PEBP4: variants seen among roughly 807,000 people sequenced by gnomAD.
The protein encoded by PEBP4 is phosphatidylethanolamine binding protein 4, also known as phosphatidylethanolamine-binding protein 4.
A neutral mutation model predicts 23.9 loss-of-function variants in PEBP4; 22 were observed. The ratio of observed to expected loss-of-function variants is 0.92; its 90% CI spans 0.66 to 1.31. PEBP4 has a LOEUF of 1.31. Ranked by LOEUF, PEBP4 falls within the 40% of genes most tolerant of loss-of-function variation. The pLI, the probability that PEBP4 is intolerant of heterozygous loss-of-function variation, is 0.00. For missense variants in PEBP4, 324 were observed against 281.7 expected (o/e 1.15, Z -1.07); for synonymous variants, 112 against 99.3 (o/e 1.13, Z -0.76).
intron 4 of PEBP4, 63 bp from the exon 5 acceptor site, chr8:22,727,283 T>C (rs2128748898): frequency 6.6e-7 from 1 of 1,521,692 alleles, no homozygotes; most frequent in South Asian, 1.2e-5. Context: ...CCACGTGGGC[T>C]CTGCGGGATT....
At chr8:22,731,761 C>A (rs911193896) in intron 4 of PEBP4, among the ~76,000 whole-genome samples, 1 of 151,850 alleles carries the variant, frequency 6.6e-6, no homozygotes, top group East Asian at 1.9e-4. Context: ...CGGGTTCATG[C>A]CATTCTCCTG....
chr8:22,732,012 T>C (rs187421917), intron 4 of PEBP4, among the ~76,000 whole-genome samples: 86 of 152,170 alleles, frequency 5.7e-4, no homozygotes, highest in South Asian at 1.0e-3. Context: ...ACAGTAATTA[T>C]AGAAATTACA....
intron 4 of PEBP4, among the ~76,000 whole-genome samples, chr8:22,774,115 C>T (rs1338923451): frequency 6.6e-6 from 1 of 152,228 alleles, no homozygotes; most frequent in Non-Finnish European, 1.5e-5. Context: ...GGAAAGTGCT[C>T]TGTCGATCAC....
chr8:22,927,171 G>A (rs1009019111), intron 2 of PEBP4, among the ~76,000 whole-genome samples: 1 of 152,196 alleles, frequency 6.6e-6, no homozygotes, highest in South Asian at 2.1e-4. Flanking sequence ...CACAGGAAGG[G>A]TCTAATCATA....
At chr8:22,817,203 A>G (rs1391506550) in intron 4 of PEBP4, among the ~76,000 whole-genome samples, 1 of 152,144 alleles carries the variant, frequency 6.6e-6, no homozygotes, top group East Asian at 1.9e-4. Context: ...GAGCTCCAGG[A>G]CTTCTCCTGG....
intron 4 of PEBP4, among the ~76,000 whole-genome samples, chr8:22,739,766 C>T (rs149142441): frequency 3.9e-5 from 6 of 152,308 alleles, no homozygotes; most frequent in African/African-American, 9.6e-5. Flanking sequence ...GGCCCCTCAG[C>T]CCCTGACCCT....
chr8:22,848,485 G>C (rs1296406835), intron 3 of PEBP4, among the ~76,000 whole-genome samples: 4 of 151,980 alleles, frequency 2.6e-5, no homozygotes, highest in African/African-American at 9.7e-5. Flanking sequence ...GAAGTTGTGT[G>C]TGTGCATGTG....
At chr8:22,884,403 ACTGT>A (rs1305614336) in intron 3 of PEBP4, 2 of 152,238 alleles carry the variant, frequency 1.3e-5, no homozygotes, top group Non-Finnish European at 2.9e-5. Flanking sequence ...CGATGATAGC[ACTGT>A]CTTTGCTGCT....
chr8:22,796,594 C>G (rs143215843), intron 4 of PEBP4, among the ~76,000 whole-genome samples: 6 of 152,300 alleles, frequency 3.9e-5, no homozygotes, highest in Admixed American at 3.9e-4. Context: ...AGAAGAAGCA[C>G]TTGCTGCATA....
At chr8:22,899,241 A>C (rs953500006) in intron 3 of PEBP4, among the ~76,000 whole-genome samples, 1 of 152,246 alleles carries the variant, frequency 6.6e-6, no homozygotes, top group South Asian at 2.1e-4. Context: ...GGCTGCACAC[A>C]GACTCAGGGA....
intron 4 of PEBP4, among the ~76,000 whole-genome samples, chr8:22,736,270 A>C (rs1804859131): frequency 6.6e-6 from 1 of 152,150 alleles, no homozygotes. Context: ...GAAAGAAATA[A>C]AGAACACAAT....
At chr8:22,800,660 G>A (rs574322131) in intron 4 of PEBP4, among the ~76,000 whole-genome samples, 2 of 152,208 alleles carry the variant, frequency 1.3e-5, no homozygotes, top group East Asian at 1.9e-4. Context: ...GCCTCAGGAC[G>A]ATTCCTCAGA....
intron 4 of PEBP4, among the ~76,000 whole-genome samples, chr8:22,754,251 G>A (rs1202846464): frequency 6.6e-6 from 1 of 152,062 alleles, no homozygotes; most frequent in Admixed American, 6.5e-5. Context: ...ATCTTACATC[G>A]TAGTTGTGAA....
intron 4 of PEBP4, among the ~76,000 whole-genome samples, chr8:22,801,603 T>G (rs997587622): frequency 2.0e-5 from 3 of 152,160 alleles, no homozygotes; most frequent in African/African-American, 4.8e-5. Flanking sequence ...AAGGATTTTT[T>G]GGGGAGAAAT....
chr8:22,911,973 C>G (rs770479301), intron 3 of PEBP4, among the ~76,000 whole-genome samples: 2 of 152,066 alleles, frequency 1.3e-5, no homozygotes, highest in African/African-American at 4.8e-5. Context: ...AATCGCTGAG[C>G]GTGCACCCTG....
At chr8:22,715,667 G>A (rs1371324853) in intron 6 of PEBP4, among the ~76,000 whole-genome samples, 1 of 152,198 alleles carries the variant, frequency 6.6e-6, no homozygotes, top group Admixed American at 6.5e-5. Flanking sequence ...TGGGGCACTC[G>A]TGGTTCCTTT....
At chr8:22,755,319 TC>T (rs1805355687) in intron 4 of PEBP4, among the ~76,000 whole-genome samples, 2 of 147,764 alleles carry the variant, frequency 1.4e-5, no homozygotes, top group Non-Finnish European at 3.0e-5. Context: ...TACTCATTTC[TC>T]TCCCTCTTTT....
chr8:22,821,443 C>A (rs1348409448), intron 3 of PEBP4, among the ~76,000 whole-genome samples: 1 of 152,132 alleles, frequency 6.6e-6, no homozygotes, highest in African/African-American at 2.4e-5. Context: ...GAGATTCTGT[C>A]TTGGGCAGCT....
intron 3 of PEBP4, among the ~76,000 whole-genome samples, chr8:22,859,624 A>G (rs1188205798): frequency 3.3e-5 from 5 of 152,210 alleles, no homozygotes; most frequent in Non-Finnish European, 5.9e-5. Flanking sequence ...GAATATTAGA[A>G]GACCCACTTC....
Sources: gnomAD v4.1 joint callset for allele counts (sites outside exome capture counted in the v4.1 genomes callset) on GRCh38, gnomAD v4.1.1 for gene constraint, MANE v1.5 for transcripts, NCBI Gene and HGNC (gene_info 2026-07-23, HGNC 2026-07-21) for gene names.